The following IL7 variants were observed in gnomAD, a reference collection of about 807,000 sequenced individuals.
IL7 encodes interleukin-7.
In IL7, 3 loss-of-function variants were observed where a neutral mutation model predicts 21.6. That is an observed-to-expected ratio of 0.14 (90% CI 0.06 to 0.36). The LOEUF (loss-of-function observed/expected upper bound fraction) is 0.36, where lower values mean the gene tolerates loss of function less well. Among genes scored for constraint, IL7 ranks in the 10% least tolerant of loss-of-function variants. IL7 has a pLI of 1.00. For synonymous variants in IL7, 62 were observed against 68.1 expected (o/e 0.91, Z 0.44); for missense variants, 175 against 200.2 (o/e 0.87, Z 0.76).
chr8:78,678,649 T>C (rs1809663256), intron 4 of IL7: 1 of 1,611,696 alleles, frequency 6.2e-7, no homozygotes, highest in Middle Eastern at 1.7e-4. Flanking sequence ...AAGGAACTGA[T>C]ATTCCAACAG....
chr8:78,743,807 C>A (rs896387914), intron 2 of IL7, among the ~76,000 whole-genome samples: 3 of 151,390 alleles, frequency 2.0e-5, no homozygotes, highest in Admixed American at 6.6e-5. Context: ...TTTTTTTTTC[C>A]CCCTGGCACA....
At chr8:78,779,740 T>C (rs112993026) in intron 2 of IL7, among the ~76,000 whole-genome samples, 1,689 of 152,288 alleles carry the variant, frequency 0.011, 33 homozygotes, top group African/African-American at 0.039. Context: ...GTGAGAATGA[T>C]GCTGGCTTCA....
At chr8:78,731,464 AT>A (rs1811423675), downstream of IL7, among the ~76,000 whole-genome samples, 1 of 151,902 alleles carries the variant, frequency 6.6e-6, no homozygotes, top group Non-Finnish European at 1.5e-5. Context: ...GGATTTTAAT[AT>A]ACTTATAAGA....
intron 2 of IL7, among the ~76,000 whole-genome samples, chr8:78,742,963 A>T (rs1811844904): frequency 6.6e-6 from 1 of 152,158 alleles, no homozygotes; most frequent in East Asian, 1.9e-4. Context: ...TGCCACTTAT[A>T]AGTGAGAACA....
At chr8:78,764,869 T>C (rs1324270435) in intron 2 of IL7, among the ~76,000 whole-genome samples, 2 of 151,732 alleles carry the variant, frequency 1.3e-5, no homozygotes, top group African/African-American at 4.8e-5. Context: ...CCCAGGAGAG[T>C]AAATTCAATA....
Position 78,801,871 on chromosome 8 carries a change from C to T in IL7, c.10+3042G>A, listed in dbSNP as rs544167133. ...TAATGATGTAGCTTGGTAGTTTGGTCCATAATTGAAGACCTTTCTCCTACA... is the reference window on the plus strand; with the variant it reads ...TAATGATGTAGCTTGGTAGTTTGGTTCATAATTGAAGACCTTTCTCCTACA... On this transcript the variant is annotated intron_variant, in intron 1 of 5. Transcript: ENST00000263851. Among the ~76,000 whole-genome samples, 3 of 152,192 alleles carry T rather than the reference C, an allele frequency of 2.0e-5. No homozygotes were observed. The South Asian group carries it at 6.2e-4, about 32-fold the overall frequency.
chr8:78,755,510 T>C (rs1284278791), intron 2 of IL7, among the ~76,000 whole-genome samples: 1 of 152,094 alleles, frequency 6.6e-6, no homozygotes, highest in Non-Finnish European at 1.5e-5. Flanking sequence ...TCATTAGTGT[T>C]TTGTAGTTTT....
chr8:78,707,511 A>G (rs997532328), intron 3 of IL7, among the ~76,000 whole-genome samples: 1 of 152,240 alleles, frequency 6.6e-6, no homozygotes, highest in African/African-American at 2.4e-5. Context: ...TCTGACCAAC[A>G]TACCTGGTTA....
chr8:78,687,781 TTTACGTA>T (rs1291834355), intron 3 of IL7, among the ~76,000 whole-genome samples: 2 of 131,508 alleles, frequency 1.5e-5, no homozygotes, highest in Non-Finnish European at 3.1e-5. Context: ...TATATATATA[TTTACGTA>T]ATACATTATA....
chr8:78,688,717 A>G (rs1810106745), intron 3 of IL7, among the ~76,000 whole-genome samples: 1 of 152,142 alleles, frequency 6.6e-6, no homozygotes, highest in Non-Finnish European at 1.5e-5. Flanking sequence ...CACTTCTTCC[A>G]TCTGTTGGGA....
intron 2 of IL7, chr8:78,760,328 T>C (rs1812508267): frequency 6.2e-7 from 1 of 1,608,732 alleles, no homozygotes. Flanking sequence ...GACGCTTTCA[T>C]CCATTTTCAT....
intron 4 of IL7, among the ~76,000 whole-genome samples, chr8:78,679,670 C>A (rs965289171): frequency 2.0e-5 from 3 of 151,994 alleles, no homozygotes; most frequent in Non-Finnish European, 2.9e-5. Context: ...GTGATTTAAG[C>A]TAAGTACCTG....
At chr8:78,753,587 C>T (rs139736027) in intron 2 of IL7, among the ~76,000 whole-genome samples, 26,944 of 152,044 alleles carry the variant, frequency 0.18, 2,965 homozygotes, top group East Asian at 0.24. Flanking sequence ...TAAATAGATA[C>T]CATTTGTCAA....
At chr8:78,752,797 A>G (rs181204025) in intron 2 of IL7, among the ~76,000 whole-genome samples, 3 of 152,088 alleles carry the variant, frequency 2.0e-5, no homozygotes, top group Middle Eastern at 3.4e-3. Flanking sequence ...CCCTGTGCCA[A>G]TATGTTCTCA....
At chr8:78,681,809 C>T (rs1322528627) in intron 4 of IL7, among the ~76,000 whole-genome samples, 1 of 151,764 alleles carries the variant, frequency 6.6e-6, no homozygotes, top group East Asian at 1.9e-4. Flanking sequence ...TATTGGCATA[C>T]AATTTCTTTA....
intron 2 of IL7, among the ~76,000 whole-genome samples, chr8:78,778,781 A>C (rs1813216580): frequency 6.6e-6 from 1 of 152,180 alleles, no homozygotes; most frequent in African/African-American, 2.4e-5. Flanking sequence ...TTCTGGGAAG[A>C]ATGTTAATGG....
rs138825772 is a variant in IL7, at chr8:78,759,475, C to T, written c.148-19393G>A. ...TCCATGGCCTCTGATTCTGTCTCAA[C>T]CATGAAACAGAAGTGTTCAACATAT... On this transcript the variant is annotated intron_variant, in intron 2 of 5. Transcript: ENST00000263851. 8.6e-3 allele frequency among the ~76,000 whole-genome samples: 1,307 copies of T among 151,666 alleles called. 13 individuals are homozygous for T. Among genetic ancestry groups the T allele is most frequent in the African/African-American group, 0.03 (1,231 of 41,412 alleles).
Position 78,804,955 on chromosome 8 carries a change from C to T in IL7, c.-33G>A, listed in dbSNP as rs755806704. ...GGGAGGCGGGCGTAGTCATGATGAC[C>T]GCAACTGGAGCAGGAGCAAGCTCTC... On this transcript the variant is annotated 5_prime_UTR_variant, in exon 1 of 6. Coordinates refer to ENST00000263851, the MANE Select transcript of IL7 (RefSeq NM_000880.4). 1 of 1,608,826 alleles carries T rather than the reference C, an allele frequency of 6.2e-7. No homozygotes were observed. Among genetic ancestry groups the T allele is most frequent in the African/African-American group, 1.3e-5 (1 of 74,784 alleles).
At chr8:78,803,541 TTGTC>T (rs1489057913) in intron 1 of IL7, among the ~76,000 whole-genome samples, 1 of 152,112 alleles carries the variant, frequency 6.6e-6, no homozygotes, top group African/African-American at 2.4e-5. Flanking sequence ...TTTTAATATT[TTGTC>T]TGCTAATGAA....
Sources: gnomAD v4.1 joint callset for allele counts (sites outside exome capture counted in the v4.1 genomes callset) on GRCh38, gnomAD v4.1.1 for gene constraint, MANE v1.5 for transcripts, NCBI Gene and HGNC (gene_info 2026-07-23, HGNC 2026-07-21) for gene names.